ARNT2: variants seen among roughly 807,000 people sequenced by gnomAD.
ARNT2 encodes ARNT protein 2.
A neutral mutation model predicts 91.7 loss-of-function variants in ARNT2; 36 were observed. The observed-to-expected ratio is 0.39, with a 90% CI of 0.30 to 0.52. The LOEUF is 0.52. Ranked by LOEUF, ARNT2 falls within the 20% of genes least tolerant of loss-of-function variation. ARNT2 has a pLI of 0.72. For missense variants in ARNT2, 775 were observed against 939.3 expected (o/e 0.83, Z 2.29); for synonymous variants, 365 against 347.1 (o/e 1.05, Z -0.57).
intron 4 of ARNT2, among the ~76,000 whole-genome samples, chr15:80,471,236 A>G (rs1460511963): frequency 6.6e-6 from 1 of 152,230 alleles, no homozygotes; most frequent in African/African-American, 2.4e-5. Flanking sequence ...AGGAACATGG[A>G]TGGAGCTGGA....
intron 1 of ARNT2, among the ~76,000 whole-genome samples, chr15:80,417,836 C>T (rs988812082): frequency 6.6e-6 from 1 of 152,182 alleles, no homozygotes; most frequent in Non-Finnish European, 1.5e-5. Flanking sequence ...TGCACTAGGG[C>T]TGTTCTGTGT....
intron 1 of ARNT2, among the ~76,000 whole-genome samples, chr15:80,415,341 C>T (rs967221750): frequency 2.0e-5 from 3 of 152,246 alleles, no homozygotes; most frequent in African/African-American, 4.8e-5. Context: ...GAATGCCAAC[C>T]GTGTGCTCAC....
chr15:80,481,096 A>G (rs1232267187), intron 5 of ARNT2, among the ~76,000 whole-genome samples: 1 of 151,154 alleles, frequency 6.6e-6, no homozygotes, highest in Admixed American at 6.7e-5. Flanking sequence ...CTGGCTGGAA[A>G]GTTCCTGTGC....
At chr15:80,478,140 G>A (rs1390539778) in intron 5 of ARNT2, among the ~76,000 whole-genome samples, 1 of 152,184 alleles carries the variant, frequency 6.6e-6, no homozygotes, top group African/African-American at 2.4e-5. Flanking sequence ...GAATGTAAAA[G>A]GGGAAAACCA....
rs76695783 is a variant in ARNT2, at chr15:80,554,453, A to C, written c.1090-612A>C. Among the ~76,000 whole-genome samples the C allele has an allele frequency of 9.1e-3, 1,389 of 152,300 alleles. 32 individuals carry two copies. Among genetic ancestry groups the C allele is most frequent in the African/African-American group, 0.032 (1,319 of 41,558 alleles). ...AATAAATTTTAAAAAATACACTTTT[A>C]ACTGGACCACTTTACTACAACACTT... On this transcript the variant is annotated intron_variant, in intron 10 of 18. Transcript: ENST00000303329.
intron 1 of ARNT2, among the ~76,000 whole-genome samples, chr15:80,417,496 C>T (rs1053648930): frequency 6.6e-6 from 1 of 151,694 alleles, no homozygotes. Flanking sequence ...GAGAATTCTC[C>T]CTCTCCTTCC....
chr15:80,551,344 C>T (rs556885872), intron 9 of ARNT2, 69 bp downstream of exon 9: 48 of 1,428,064 alleles, frequency 3.4e-5, no homozygotes, highest in Middle Eastern at 1.7e-4. Context: ...AGAAGACTGT[C>T]GGTTTGGCTG....
intron 17 of ARNT2, among the ~76,000 whole-genome samples, chr15:80,589,575 A>G (rs1596028017): frequency 6.6e-6 from 1 of 152,102 alleles, no homozygotes; most frequent in African/African-American, 2.4e-5. Context: ...ATGTCCCTCC[A>G]CCCTTCTGCC....
chr15:80,449,124 A>G (rs1267715327), intron 1 of ARNT2, among the ~76,000 whole-genome samples: 1 of 152,258 alleles, frequency 6.6e-6, no homozygotes, highest in Non-Finnish European at 1.5e-5. Flanking sequence ...AAGTTAAGCA[A>G]TCCTCTTTAT....
Position 80,563,216 on chromosome 15 carries a change from C to T in ARNT2, c.1293C>T (p.Ile431=). 3 of 1,614,216 alleles carry T rather than the reference C, an allele frequency of 1.9e-6. No homozygotes were observed. The highest frequency in any genetic ancestry group is 1.1e-5 in the South Asian group (1 of 91,080). ...QNPYSDEIEY[I]ICTNTNVKQL... is the part of the protein sequence containing the mutation. ...CCTATTCTGATGAGATTGAGTACAT[C>T]ATCTGCACCAACACCAACGTCAAGT... Residue 431 remains isoleucine, a synonymous_variant, in exon 12 of 19, where the codon ATC becomes ATT. Coordinates refer to ENST00000303329, the MANE Select transcript of ARNT2 (RefSeq NM_014862.4).
At chr15:80,521,630 C>T (rs1897547902) in intron 8 of ARNT2, among the ~76,000 whole-genome samples, 1 of 151,952 alleles carries the variant, frequency 6.6e-6, no homozygotes, top group Admixed American at 6.6e-5. Flanking sequence ...TAAATAAATA[C>T]TTTAATACAC....
intron 8 of ARNT2, among the ~76,000 whole-genome samples, chr15:80,539,359 AG>A (rs1337323708): frequency 6.6e-6 from 1 of 152,076 alleles, no homozygotes; most frequent in Non-Finnish European, 1.5e-5. Flanking sequence ...AAATAATTCA[AG>A]GAAAAAAACT....
At chr15:80,463,642 G>A (rs1261548392) in intron 3 of ARNT2, among the ~76,000 whole-genome samples, 5 of 150,522 alleles carry the variant, frequency 3.3e-5, no homozygotes, top group South Asian at 2.1e-4. Flanking sequence ...GCAATGGCGC[G>A]GTCTCGGTTC....
At chr15:80,410,475 A>C (rs1432623284) in intron 1 of ARNT2, among the ~76,000 whole-genome samples, 1 of 152,164 alleles carries the variant, frequency 6.6e-6, no homozygotes, top group Non-Finnish European at 1.5e-5. Context: ...GCGACAAGCA[A>C]GTGGAACTGT....
At chr15:80,524,340 C>A (rs1897599316) in intron 8 of ARNT2, among the ~76,000 whole-genome samples, 1 of 152,122 alleles carries the variant, frequency 6.6e-6, no homozygotes, top group Non-Finnish European at 1.5e-5. Flanking sequence ...AATAACCTGG[C>A]AGTGTGTATT....
In ARNT2 at chr15:80,497,654, C is replaced by T. The variant is rs115031775; in HGVS notation, c.623-10502C>T. Among the ~76,000 whole-genome samples the T allele has an allele frequency of 6.4e-3, 977 of 152,320 alleles. 11 individuals carry two copies. The highest frequency in any genetic ancestry group is 0.022 in the African/African-American group (930 of 41,568). ...TGGCCATGGAAACTAATATAGATAC[C>T]ATTCTGTTGAGGGCAGTAGCATTCC... On this transcript the variant is annotated intron_variant, in intron 5 of 18. Coordinates refer to ENST00000303329, the MANE Select transcript of ARNT2 (RefSeq NM_014862.4).
intron 2 of ARNT2, among the ~76,000 whole-genome samples, chr15:80,455,733 A>AT (rs1251399496): frequency 1.3e-5 from 2 of 152,176 alleles, no homozygotes; most frequent in Non-Finnish European, 2.9e-5. Context: ...GGCTGAGGAC[A>AT]GAGGGCTGGC....
At chr15:80,476,494 A>C (rs1734631419) in intron 5 of ARNT2, among the ~76,000 whole-genome samples, 1 of 152,176 alleles carries the variant, frequency 6.6e-6, no homozygotes, top group Non-Finnish European at 1.5e-5. Flanking sequence ...ATACCAAAAT[A>C]TTTGCATTCT....
chr15:80,417,309 G>A (rs1276184900), intron 1 of ARNT2, among the ~76,000 whole-genome samples: 1 of 148,398 alleles, frequency 6.7e-6, no homozygotes, highest in East Asian at 2.0e-4. Context: ...GTTTAGATGT[G>A]TATTTGCATT....
Sources: allele counts gnomAD v4.1 joint callset (sites outside exome capture counted in the v4.1 genomes callset), GRCh38; gene constraint gnomAD v4.1.1; transcripts MANE v1.5; gene names NCBI Gene and HGNC (gene_info 2026-07-23, HGNC 2026-07-21).